Variants in CADM3 observed in about 807,000 individuals in gnomAD.
CADM3 encodes TSLC1-like 1.
Under a neutral mutation model 44.9 loss-of-function variants are expected in CADM3, and 11 were observed. The ratio of observed to expected loss-of-function variants is 0.25; its 90% confidence interval spans 0.15 to 0.41. The LOEUF (loss-of-function observed/expected upper bound fraction) is 0.41. CADM3 is among the 10% of genes least tolerant of loss of function. The pLI, the probability that CADM3 is intolerant of heterozygous loss-of-function variation, is 1.00. For synonymous variants in CADM3, 207 were observed against 205.2 expected (o/e 1.01, Z -0.08); for missense variants, 426 against 512.0 (o/e 0.83, Z 1.62).
At chr1:159,173,011 C>T (rs1277063235) in intron 1 of CADM3, among the ~76,000 whole-genome samples, 2 of 151,988 alleles carry the variant, frequency 1.3e-5, no homozygotes, top group Non-Finnish European at 2.9e-5. Context: ...CTCCCCCCAC[C>T]GCCCTGTCGG....
intron 7 of CADM3, chr1:159,197,999 C>T (rs1295986008): frequency 2.0e-5 from 3 of 152,202 alleles, no homozygotes; most frequent in African/African-American, 4.8e-5. Flanking sequence ...CACTGAGCTC[C>T]GGTCTCTGCC....
chr1:159,199,761 G>A lies in CADM3; in HGVS notation c.963G>A (p.Pro321=), dbSNP rs753580284. Reference sequence around the variant, plus strand: ...TGCCCTTTCTTCCAGACCCCAGTCCGGTGCCCTCCTCCTCCAGCACCTACC... The same window carrying A: ...TGCCCTTTCTTCCAGACCCCAGTCCAGTGCCCTCCTCCTCCAGCACCTACC... ...YYTLNVNDPS[P]VPSSSSTYHA... The change falls in exon 8 of 9, where the codon CCG becomes CCA. Residue 321 remains proline, a synonymous_variant. Transcript: ENST00000368125. 9 of 1,613,908 alleles carry A rather than the reference G, an allele frequency of 5.6e-6. No homozygotes were observed. The highest frequency in any genetic ancestry group is 1.1e-5 in the South Asian group (1 of 91,068).
intron 7 of CADM3, among the ~76,000 whole-genome samples, chr1:159,198,780 T>C (rs1176383515): frequency 6.6e-6 from 1 of 152,146 alleles, no homozygotes; most frequent in Non-Finnish European, 1.5e-5. Flanking sequence ...CTGATGTCTT[T>C]GCCACACCCG....
At chr1:159,175,828 C>A (rs1381130632) in intron 1 of CADM3, among the ~76,000 whole-genome samples, 1 of 152,212 alleles carries the variant, frequency 6.6e-6, no homozygotes, top group Non-Finnish European at 1.5e-5. Flanking sequence ...CATAAAATTC[C>A]AGAGACAGCA....
intron 5 of CADM3, 172 bp from the exon 6 acceptor site, chr1:159,196,192 A>C (rs374609142): frequency 1.7e-6 from 1 of 580,992 alleles, no homozygotes. Context: ...TTGCTCACAT[A>C]TTCAATAGCA....
intron 8 of CADM3, among the ~76,000 whole-genome samples, chr1:159,200,483 CACGCATGCAT>C (rs1650122945): frequency 6.6e-6 from 1 of 151,746 alleles, no homozygotes; most frequent in South Asian, 2.1e-4. Flanking sequence ...GTTGCGTGCA[CACGCATGCAT>C]ACACACACAC....
In CADM3 at chr1:159,177,398, G is replaced by A. The variant is rs572837844; in HGVS notation, c.88+5545G>A. Among the ~76,000 whole-genome samples the A allele has an allele frequency of 1.1e-4, 17 of 152,192 alleles. No individual in the cohort carries two copies. The East Asian group carries it at 3.1e-3, about 28-fold the overall frequency. ...GCTTGAGAGCTGGCTGCCTTACCCC[G>A]TGATCCCAGTTCCCCTGTTCTTTAT... On this transcript the variant is annotated intron_variant, in intron 1 of 8. Coordinates refer to ENST00000368125, the MANE Select transcript of CADM3 (RefSeq NM_001127173.3).
chr1:159,188,585 C>T (rs983029565), intron 1 of CADM3, among the ~76,000 whole-genome samples: 17 of 152,156 alleles, frequency 1.1e-4, no homozygotes, highest in Non-Finnish European at 2.4e-4. Flanking sequence ...GGACACGTAG[C>T]AGCTCTGGGC....
At chr1:159,196,756 A>G (rs1649914148) in intron 6 of CADM3, 135 bp from the exon 7 acceptor site, 19 of 865,404 alleles carry the variant, frequency 2.2e-5, no homozygotes, top group Non-Finnish European at 3.3e-5. Context: ...TAGCAGCTCC[A>G]GTGTCTCTGG....
chr1:159,194,969 A>G (rs942911928), intron 5 of CADM3: 5 of 152,248 alleles, frequency 3.3e-5, no homozygotes, highest in Non-Finnish European at 7.3e-5. Flanking sequence ...GAAATGGTGT[A>G]TTTCTTGTCC....
chr1:159,178,108 T>C (rs1295394859), intron 1 of CADM3, among the ~76,000 whole-genome samples: 4 of 152,330 alleles, frequency 2.6e-5, no homozygotes, highest in African/African-American at 9.6e-5. Flanking sequence ...GCTATGTAAA[T>C]AGTTGTTTTA....
chr1:159,192,052 ACT>A lies in CADM3; in HGVS notation c.210_211del (p.Tyr71LeufsTer10). 1.2e-6 allele frequency: 2 copies of A among 1,614,000 alleles called. No homozygotes were observed. The highest frequency in any genetic ancestry group is 1.1e-5 in the South Asian group (1 of 91,080). On this transcript the variant is annotated frameshift_variant, in exon 2 of 9. Coordinates refer to ENST00000368125, the MANE Select transcript of CADM3 (RefSeq NM_001127173.3). LOFTEE classifies it high-confidence loss of function. ...SLQWSNPAQQTLYFGEKRALR... is the reference protein window; with the variant it reads ...SLQWSNPAQQXLYFGEKRALR... The stretch of plus-strand genomic sequence containing the variant: ...GCAATGGTCTAACCCTGCTCAGCAG[ACT>A]CTCTACTTTGGGGAGAAGAGAGGTA...
At chr1:159,188,795 G>A (rs1360414709) in intron 1 of CADM3, among the ~76,000 whole-genome samples, 2 of 152,200 alleles carry the variant, frequency 1.3e-5, no homozygotes, top group Non-Finnish European at 1.5e-5. Flanking sequence ...AGGCAGACAG[G>A]TAGGGGTAAG....
chr1:159,189,639 C>T (rs1649565675), intron 1 of CADM3: 13 of 675,342 alleles, frequency 1.9e-5, no homozygotes, highest in Non-Finnish European at 2.3e-5. Context: ...ACCCTACCTT[C>T]TCTTAGGTAT....
intron 8 of CADM3, among the ~76,000 whole-genome samples, chr1:159,200,150 ACCTCCAGGTCT>A (rs1262045099): frequency 6.6e-6 from 1 of 152,032 alleles, no homozygotes; most frequent in Non-Finnish European, 1.5e-5. Context: ...ATGCTGCTCT[ACCTCCAGGTCT>A]CCTGCTGCAA....
chr1:159,198,157 G>A (rs1265145138), intron 7 of CADM3: 13 of 152,322 alleles, frequency 8.5e-5, no homozygotes, highest in African/African-American at 2.6e-4. Context: ...TGTTTCCAGT[G>A]CTGACGCCTG....
chr1:159,189,457 T>C (rs1649557800), intron 1 of CADM3, among the ~76,000 whole-genome samples: 1 of 152,226 alleles, frequency 6.6e-6, no homozygotes. Context: ...AAGGGTTTCA[T>C]TGTCCTCATC....
At position 159,202,820 on chromosome 1, in the gene CADM3, T is replaced by C. The variant is rs538449020; in HGVS notation, c.*1898T>C. On this transcript the variant is annotated 3_prime_UTR_variant, in exon 9 of 9. Transcript: ENST00000368125. ...GGCCTTGGGCACCACAGGCAGCCCC[T>C]CACCTAAGCCGGGGCCTACTCCTCT... 1.3e-5 allele frequency: 2 copies of C among 152,194 alleles called. No homozygotes were observed. The highest frequency in any genetic ancestry group is 3.9e-4 in the East Asian group (2 of 5,154). The allele number at this position is 152,194 out of a possible 1,614,324, so 9.4% of individuals were successfully genotyped here.
intron 1 of CADM3, among the ~76,000 whole-genome samples, chr1:159,182,911 G>A (rs1649286757): frequency 1.3e-5 from 2 of 152,170 alleles, no homozygotes; most frequent in Non-Finnish European, 2.9e-5. Flanking sequence ...GTTTTTCAGT[G>A]AGAACCAAGG....
Sources: allele counts gnomAD v4.1 joint callset (sites outside exome capture counted in the v4.1 genomes callset), GRCh38; gene constraint gnomAD v4.1.1; transcripts MANE v1.5; gene names NCBI Gene and HGNC (gene_info 2026-07-23, HGNC 2026-07-21).